The following WDR64 variants were observed in gnomAD, a reference collection of about 807,000 sequenced individuals.
The protein encoded by WDR64 is WD repeat domain 64.
WDR64 carries 112 observed loss-of-function variants against 139.3 expected under a neutral mutation model. The observed-to-expected ratio is 0.80, with a 90% CI of 0.69 to 0.94. The LOEUF is 0.94. Ranked by LOEUF, WDR64 falls within the 40% of genes least tolerant of loss-of-function variation. The pLI, the probability that WDR64 is intolerant of heterozygous loss-of-function variation, is 0.00. For missense variants in WDR64, 1,206 were observed against 1,293.1 expected (o/e 0.93, Z 1.03); for synonymous variants, 444 against 437.7 (o/e 1.01, Z -0.18).
At chr1:241,667,072 G>GT (rs1666050633) in intron 2 of WDR64, among the ~76,000 whole-genome samples, 1 of 152,204 alleles carries the variant, frequency 6.6e-6, no homozygotes, top group Non-Finnish European at 1.5e-5. Flanking sequence ...TTAAACGACT[G>GT]TCTGTAAATT....
At chr1:241,707,079 G>A (rs1204554303) in intron 8 of WDR64, among the ~76,000 whole-genome samples, 2 of 152,074 alleles carry the variant, frequency 1.3e-5, no homozygotes, top group Non-Finnish European at 2.9e-5. Context: ...TTCTCCCTGT[G>A]GTGTCATACC....
intron 1 of WDR64, among the ~76,000 whole-genome samples, chr1:241,655,166 C>T (rs1042828046): frequency 2.6e-5 from 4 of 152,090 alleles, no homozygotes; most frequent in African/African-American, 4.8e-5. Context: ...GGGCGGATCA[C>T]GAAGTCAGGA....
At chr1:241,723,201 G>A in intron 9 of WDR64, 96 bp from the exon 10 acceptor site, 11 of 1,466,638 alleles carry the variant, frequency 7.5e-6, no homozygotes, top group Non-Finnish European at 1.0e-5. Context: ...GTGATTTGCT[G>A]TTCGAAGAAA....
At chr1:241,712,491 C>T (rs899102594) in intron 9 of WDR64, among the ~76,000 whole-genome samples, 4 of 152,200 alleles carry the variant, frequency 2.6e-5, no homozygotes, top group African/African-American at 9.6e-5. Context: ...GAGACTCAGA[C>T]TCCTTATTTA....
rs375495995 is a variant in WDR64 at position 241,787,925 on chromosome 1, G to A, written c.2782G>A (p.Asp928Asn). The A allele has an allele frequency of 3.7e-6, 6 of 1,612,794 alleles. No homozygotes were observed. The African/African-American group carries it at 6.7e-5, about 18-fold the overall frequency. The change falls in exon 24 of 28, where the codon GAT (aspartate) becomes AAT (asparagine). Residue 928 changes from aspartate to asparagine, a missense_variant. Transcript: ENST00000437684. ...GCTCTTTGAATTATCACAGACAAGA[G>A]ATTTCATTTTGCCTTGTGATGTTAC... Reference protein sequence around the residue: ...RRLFELSQTRDFILPCDVTEY... With the variant: ...RRLFELSQTRNFILPCDVTEY...
intron 8 of WDR64, among the ~76,000 whole-genome samples, chr1:241,699,503 G>A (rs1667622575): frequency 6.6e-6 from 1 of 152,182 alleles, no homozygotes. Flanking sequence ...TTCCCACAGA[G>A]GGTGATAAGT....
intron 2 of WDR64, among the ~76,000 whole-genome samples, chr1:241,669,230 C>G (rs1666132185): frequency 6.6e-6 from 1 of 152,170 alleles, no homozygotes; most frequent in Non-Finnish European, 1.5e-5. Flanking sequence ...ACTATCAATT[C>G]ATTGTACAGT....
chr1:241,774,930 A>G (rs988451343), intron 20 of WDR64, among the ~76,000 whole-genome samples, 175 bp from the exon 21 acceptor site: 1 of 152,234 alleles, frequency 6.6e-6, no homozygotes. Flanking sequence ...TTTCAAGGAA[A>G]TAAGTCCCTA....
chr1:241,799,424 T>C (rs1188396445), intron 27 of WDR64, among the ~76,000 whole-genome samples: 1 of 151,652 alleles, frequency 6.6e-6, no homozygotes, highest in Non-Finnish European at 1.5e-5. Flanking sequence ...CACAATTTTA[T>C]TTTAGGTGAA....
At chr1:241,726,234 T>G (rs971585729) in intron 10 of WDR64, among the ~76,000 whole-genome samples, 2 of 151,554 alleles carry the variant, frequency 1.3e-5, no homozygotes, top group Non-Finnish European at 2.9e-5. Context: ...ATAATTTGGC[T>G]ATATAGGGTT....
At chr1:241,700,918 C>T (rs1307293429) in intron 8 of WDR64, among the ~76,000 whole-genome samples, 1 of 152,124 alleles carries the variant, frequency 6.6e-6, no homozygotes, top group Non-Finnish European at 1.5e-5. Context: ...TGTCAAAATC[C>T]ATGAAAATAA....
chr1:241,778,730 T>C (rs1442122737), intron 21 of WDR64, among the ~76,000 whole-genome samples: 1 of 152,172 alleles, frequency 6.6e-6, no homozygotes, highest in African/African-American at 2.4e-5. Flanking sequence ...ATATTCACAA[T>C]TAGCCTGTGC....
intron 10 of WDR64, among the ~76,000 whole-genome samples, chr1:241,724,120 A>G (rs1668713024): frequency 6.6e-6 from 1 of 152,162 alleles, no homozygotes; most frequent in Non-Finnish European, 1.5e-5. Context: ...CATTAAGATA[A>G]CTATGAAGTT....
At chr1:241,735,823 ATCTCTCTC>A (rs762750963) in intron 10 of WDR64, among the ~76,000 whole-genome samples, 13 of 82,914 alleles carry the variant, frequency 1.6e-4, no homozygotes, top group South Asian at 1.3e-3. Flanking sequence ...TTCTCTTTCT[ATCTCTCTC>A]TCTCTCTCTC....
intron 8 of WDR64, among the ~76,000 whole-genome samples, chr1:241,705,324 G>A (rs1333341364): frequency 1.3e-5 from 2 of 151,998 alleles, no homozygotes; most frequent in East Asian, 1.9e-4. Flanking sequence ...GGCGGATCAT[G>A]AGGTCAGGAG....
At chr1:241,773,717 C>T (rs1226801688) in intron 20 of WDR64, among the ~76,000 whole-genome samples, 9 of 152,224 alleles carry the variant, frequency 5.9e-5, no homozygotes, top group Admixed American at 3.9e-4. Context: ...CCGCCAGCCT[C>T]GGCCTCCCAA....
At position 241,790,654 on chromosome 1, in the gene WDR64, G is replaced by A. The variant is rs760569177; in HGVS notation, c.2955G>A (p.Val985=). 1.6e-5 allele frequency: 25 copies of A among 1,609,752 alleles called. No homozygotes were observed. Among genetic ancestry groups the A allele is most frequent in the Non-Finnish European group, 2.0e-5 (23 of 1,179,118 alleles). ...FKRTPPKAFE[V]EQDFKFFKSL... Reference sequence around the variant, plus strand: ...GCACACCTCCCAAGGCCTTTGAAGTGGAACAGGATTTCAAGTTTTTCAAGT... The same window carrying A: ...GCACACCTCCCAAGGCCTTTGAAGTAGAACAGGATTTCAAGTTTTTCAAGT... The change falls in exon 25 of 28, where the codon GTG becomes GTA. Residue 985 remains valine, a synonymous_variant. Coordinates refer to ENST00000437684, the MANE Select transcript of WDR64 (RefSeq NM_001367482.1).
intron 25 of WDR64, among the ~76,000 whole-genome samples, chr1:241,794,456 GC>G (rs1377701482): frequency 3.3e-5 from 5 of 149,594 alleles, no homozygotes; most frequent in Admixed American, 1.3e-4. Context: ...GAGTTTTAGA[GC>G]CCTTGAAATG....
At chr1:241,694,740 A>G (rs375565549) in intron 8 of WDR64, among the ~76,000 whole-genome samples, 1 of 152,228 alleles carries the variant, frequency 6.6e-6, no homozygotes, top group East Asian at 1.9e-4. Flanking sequence ...ACAAATCTAT[A>G]GCCTCCATTT....
Sources: gnomAD v4.1 joint callset for allele counts (sites outside exome capture counted in the v4.1 genomes callset) on GRCh38, gnomAD v4.1.1 for gene constraint, MANE v1.5 for transcripts, NCBI Gene and HGNC (gene_info 2026-07-23, HGNC 2026-07-21) for gene names.